Variants in DNAAF1 observed in about 807,000 individuals in gnomAD.
DNAAF1 encodes the protein dynein assembly factor 1, axonemal.
DNAAF1 carries 65 observed loss-of-function variants against 71.1 expected under a neutral mutation model. The observed-to-expected ratio is 0.91, with a 90% CI of 0.75 to 1.12. The LOEUF (loss-of-function observed/expected upper bound fraction) is 1.12. Among genes scored for constraint, DNAAF1 ranks in the 50% most tolerant of loss-of-function variants. DNAAF1 has a pLI of 0.00. For synonymous variants in DNAAF1, 414 were observed against 354.6 expected (o/e 1.17, Z -1.88); for missense variants, 1,178 against 899.8 (o/e 1.31, Z -3.96).
At chr16:84,171,176 A>G (rs2088320089) in intron 8 of DNAAF1, among the ~76,000 whole-genome samples, 1 of 152,188 alleles carries the variant, frequency 6.6e-6, no homozygotes, top group Admixed American at 6.5e-5. Context: ...TGGCTCACAC[A>G]TGTAATCCCA....
rs139519641 is a variant in DNAAF1, at chr16:84,174,723, G to A, written c.1698+1G>A. 652 of 1,614,196 alleles carry A rather than the reference G, an allele frequency of 4.0e-4. No homozygotes were observed. In the Middle Eastern group the frequency reaches 6.1e-3, roughly 15 times the overall value. On this transcript the variant is annotated splice_donor_variant, in intron 10 of 11. Transcript: ENST00000378553. LOFTEE classifies it high-confidence loss of function. ...AACAGGCAAATCTCTGGAAGACCAG[G>A]TTAAGGTCATTAGAAACCATTTTCC...
At chr16:84,161,070 C>T (rs940496282) in intron 6 of DNAAF1, among the ~76,000 whole-genome samples, 1 of 152,152 alleles carries the variant, frequency 6.6e-6, no homozygotes, top group African/African-American at 2.4e-5. Flanking sequence ...GTCTGACTCC[C>T]AAGCCAGCTC....
chr16:84,168,280 T>A (rs977013163), intron 7 of DNAAF1, among the ~76,000 whole-genome samples: 1 of 152,186 alleles, frequency 6.6e-6, no homozygotes, highest in African/African-American at 2.4e-5. Context: ...CCTGCCTCCC[T>A]ATTCTGAGGG....
intron 8 of DNAAF1, among the ~76,000 whole-genome samples, chr16:84,170,806 T>C (rs576736960): frequency 2.6e-5 from 4 of 152,070 alleles, no homozygotes; most frequent in Admixed American, 2.6e-4. Context: ...CACTCCAGCC[T>C]GGGTGACAGA....
chr16:84,154,336 C>A (rs558300261), intron 3 of DNAAF1, among the ~76,000 whole-genome samples: 1 of 152,244 alleles, frequency 6.6e-6, no homozygotes, highest in African/African-American at 2.4e-5. Flanking sequence ...GGCAAAGAAG[C>A]TCTCTGGGGC....
At chr16:84,169,105 T>TC (rs1491099009) in intron 7 of DNAAF1, among the ~76,000 whole-genome samples, 1 of 121,382 alleles carries the variant, frequency 8.2e-6, no homozygotes, top group African/African-American at 3.1e-5. Context: ...TTTTTTTTTT[T>TC]AGAGAGTCTC....
chr16:84,177,774 T>G lies in DNAAF1; in HGVS notation c.2111T>G (p.Val704Gly). The G allele has an allele frequency of 6.2e-7, 1 of 1,613,920 alleles. No homozygotes were observed. The change falls in exon 12 of 12, where the codon GTT (valine) becomes GGT (glycine). Residue 704 changes from valine (V) to glycine (G), a missense_variant. Transcript: ENST00000378553. Reference protein sequence around the residue: ...AATPPETCVGVAQPSQALPTW... With the variant: ...AATPPETCVGGAQPSQALPTW... ...ACACCCCCAGAGACGTGTGTCGGAG[T>G]TGCCCAGCCCAGCCAAGCTCTGCCC...
At chr16:84,148,612 T>TTTTTTTTTTTTTTTTTTTTTTTTTG (rs2087036800) in intron 1 of DNAAF1, among the ~76,000 whole-genome samples, 1 of 140,900 alleles carries the variant, frequency 7.1e-6, no homozygotes, top group African/African-American at 2.6e-5. Flanking sequence ...TTTTTTTTTT[T>TTTTTTTTTTTTTTTTTTTTTTTTTG]TTGGTGAGAC....
chr16:84,169,831 C>T, intron 7 of DNAAF1, 28 bp from the exon 8 acceptor site: 1 of 1,612,918 alleles, frequency 6.2e-7, no homozygotes, highest in Non-Finnish European at 8.5e-7. Flanking sequence ...GACACTCCCA[C>T]ATTCACCTTT....
At chr16:84,176,481 C>G in intron 11 of DNAAF1, 182 bp downstream of exon 11, 1 of 976,990 alleles carries the variant, frequency 1.0e-6, no homozygotes, top group Non-Finnish European at 1.5e-6. Flanking sequence ...GAAGCTGCCA[C>G]TTGCTGGTAG....
At position 84,154,736 on chromosome 16, in the gene DNAAF1, C is replaced by A; in HGVS notation, c.512C>A (p.Pro171His). 1 of 1,614,130 alleles carries A rather than the reference C, an allele frequency of 6.2e-7. No individual in the cohort carries two copies. Among genetic ancestry groups the A allele is most frequent in the South Asian group, 1.1e-5 (1 of 91,076 alleles). The stretch of plus-strand genomic sequence containing the variant: ...CTCCGTAAAATTGAGAACCTGGAAC[C>A]TCTGCAGAAACTGGATGCTCTTAAC... ...NLLRKIENLEPLQKLDALNLS... is the reference protein window; with the variant it reads ...NLLRKIENLEHLQKLDALNLS... Residue 171 changes from proline to histidine, a missense_variant, in exon 4 of 12, where the codon CCT becomes CAT. Transcript: ENST00000378553.
intron 9 of DNAAF1, chr16:84,172,712 G>C: frequency 8.4e-7 from 1 of 1,183,892 alleles, no homozygotes; most frequent in Non-Finnish European, 1.1e-6. Flanking sequence ...GTTCTGACTA[G>C]TTGCCTTATC....
chr16:84,153,170 T>G (rs1228414209), intron 3 of DNAAF1, among the ~76,000 whole-genome samples: 2 of 152,206 alleles, frequency 1.3e-5, no homozygotes, highest in African/African-American at 4.8e-5. Flanking sequence ...CTATCTTTTA[T>G]AGATACTGAC....
chr16:84,148,497 G>A (rs967937153), intron 1 of DNAAF1, among the ~76,000 whole-genome samples: 12 of 149,764 alleles, frequency 8.0e-5, no homozygotes, highest in African/African-American at 2.4e-4. Context: ...CTGTACAAGA[G>A]TTTTTATAGA....
Position 84,145,404 on chromosome 16 carries a change from C to T in DNAAF1, c.-37C>T. On this transcript the variant is annotated 5_prime_UTR_variant, in exon 1 of 12. Transcript: ENST00000378553. The stretch of plus-strand genomic sequence containing the variant: ...GACGTCCGCCGCGAACCTGGGCCCC[C>T]CAAAGCTGCGGGGCGTTCGGTGTCG... The T allele has an allele frequency of 1.9e-6, 3 of 1,569,142 alleles. No individual in the cohort carries two copies. Among genetic ancestry groups the T allele is most frequent in the South Asian group, 2.3e-5 (2 of 85,352 alleles).
At chr16:84,173,420 C>T (rs1052382351) in intron 9 of DNAAF1, 53 of 883,156 alleles carry the variant, frequency 6.0e-5, no homozygotes, top group African/African-American at 3.4e-4. Context: ...GCCGAGATCA[C>T]GCCACTGCAC....
chr16:84,161,408 C>T (rs546172087), intron 6 of DNAAF1, among the ~76,000 whole-genome samples: 4 of 152,280 alleles, frequency 2.6e-5, no homozygotes, highest in South Asian at 2.1e-4. Flanking sequence ...TTTTTAGAGA[C>T]GGGGTTGCAC....
At chr16:84,148,597 T>TCTC (rs1555519913) in intron 1 of DNAAF1, among the ~76,000 whole-genome samples, 4 of 53,190 alleles carry the variant, frequency 7.5e-5, no homozygotes, top group South Asian at 5.1e-4. Flanking sequence ...TCTCTCTCTC[T>TCTC]TTTTTTTTTT....
chr16:84,172,131 C>T (rs190708698), intron 8 of DNAAF1, 129 bp from the exon 9 acceptor site: 24 of 833,632 alleles, frequency 2.9e-5, no homozygotes, highest in Non-Finnish European at 4.4e-5. Flanking sequence ...CCCACCTTGG[C>T]CCCCCAAAGT....
Sources: allele counts gnomAD v4.1 joint callset (sites outside exome capture counted in the v4.1 genomes callset), GRCh38; gene constraint gnomAD v4.1.1; transcripts MANE v1.5; gene names NCBI Gene and HGNC (gene_info 2026-07-23, HGNC 2026-07-21).